AOAH: variants seen among roughly 807,000 people sequenced by gnomAD.
The protein encoded by AOAH is acyloxyacyl hydrolase, also known as acyloxyacyl hydrolase (neutrophil).
AOAH carries 64 observed loss-of-function variants against 92.2 expected under a neutral mutation model. That is an observed-to-expected ratio of 0.69 (90% CI 0.57 to 0.86). AOAH has a LOEUF of 0.86. Ranked by LOEUF, AOAH falls within the 40% of genes least tolerant of loss-of-function variation. AOAH has a pLI of 0.00. For missense variants in AOAH, 656 were observed against 694.6 expected (o/e 0.94, Z 0.62); for synonymous variants, 263 against 254.5 (o/e 1.03, Z -0.32).
At chr7:36,667,564 A>G (rs1186581835) in intron 3 of AOAH, among the ~76,000 whole-genome samples, 1 of 152,206 alleles carries the variant, frequency 6.6e-6, no homozygotes, top group African/African-American at 2.4e-5. Context: ...GTGGTCTTGG[A>G]ACATATTTCT....
Position 36,551,512 on chromosome 7 carries a change from A to G in AOAH, c.1022-2037T>C, listed in dbSNP as rs568333981. Among the ~76,000 whole-genome samples the G allele has an allele frequency of 2.6e-5, 4 of 152,258 alleles. No individual in the cohort carries two copies. In the South Asian group the frequency reaches 8.3e-4, roughly 32 times the overall value. ...GAAACTCAAAATGCATTAAAGAATA[A>G]CTTTCCACTAACTCCTCCCTCCAGT... On this transcript the variant is annotated intron_variant, in intron 13 of 20. Transcript: ENST00000617537.
chr7:36,678,605 G>GCA lies in AOAH; in HGVS notation c.224-4597_224-4596insTG, dbSNP rs1298387364. On this transcript the variant is annotated intron_variant, in intron 2 of 20. Transcript: ENST00000617537. ...TGTGTGTGTGTGTGTGTGTGTGCGC[G>GCA]CGCGCGCGCGTTAGAATTCTGTTTA... Among the ~76,000 whole-genome samples the GCA allele has an allele frequency of 5.7e-4, 85 of 148,718 alleles. 2 individuals carry two copies. Among genetic ancestry groups the GCA allele is most frequent in the African/African-American group, 2.0e-3 (81 of 39,626 alleles).
At chr7:36,684,763 T>A (rs1366852610) in intron 2 of AOAH, among the ~76,000 whole-genome samples, 1 of 150,086 alleles carries the variant, frequency 6.7e-6, no homozygotes, top group East Asian at 2.0e-4. Context: ...AGCAAAAAAA[T>A]TTAAAATTAG....
rs550592077 is a variant in AOAH, at chr7:36,705,569, T to C, written c.127+18453A>G. Among the ~76,000 whole-genome samples, 6 of 152,280 alleles carry C rather than the reference T, an allele frequency of 3.9e-5. No homozygotes were observed. The South Asian group carries it at 1.0e-3, about 26-fold the overall frequency. On this transcript the variant is annotated intron_variant, in intron 1 of 20. Coordinates refer to ENST00000617537, the MANE Select transcript of AOAH (RefSeq NM_001637.4). Reference sequence around the variant, plus strand: ...AATGGCCATACTGCCCAAAGCAATTTACAGATTCAATGCTATTCCCCTCAA... The same window carrying C: ...AATGGCCATACTGCCCAAAGCAATTCACAGATTCAATGCTATTCCCCTCAA...
chr7:36,642,980 G>T (rs1794004722), intron 4 of AOAH, among the ~76,000 whole-genome samples: 1 of 152,192 alleles, frequency 6.6e-6, no homozygotes, highest in African/African-American at 2.4e-5. Context: ...GCGTTGTGAG[G>T]ATTGACAAAG....
At chr7:36,667,072 C>G (rs1795590128) in intron 3 of AOAH, among the ~76,000 whole-genome samples, 1 of 152,150 alleles carries the variant, frequency 6.6e-6, no homozygotes. Flanking sequence ...TCAATTATAT[C>G]TGGTTGATTG....
rs1056743615 is a variant in AOAH, at chr7:36,516,206, C to T, written c.1600-2826G>A. Among the ~76,000 whole-genome samples, 4 of 150,546 alleles carry T rather than the reference C, an allele frequency of 2.7e-5. No homozygotes were observed. The highest frequency in any genetic ancestry group is 5.9e-5 in the Non-Finnish European group (4 of 67,564). ...CATACATACATCTCTCTTATATACA[C>T]ACACACATCCTACACACACCCCACA... On this transcript the variant is annotated intron_variant, in intron 20 of 20. Transcript: ENST00000617537. The surrounding 1 kb of genome is among the most constrained non-coding windows in gnomAD (Gnocchi z 5.0).
At chr7:36,613,246 C>A (rs1416639966) in intron 11 of AOAH, among the ~76,000 whole-genome samples, 1 of 152,188 alleles carries the variant, frequency 6.6e-6, no homozygotes, top group Non-Finnish European at 1.5e-5. Flanking sequence ...GGCTGTTCCG[C>A]TTTTTCCTGA....
intron 19 of AOAH, among the ~76,000 whole-genome samples, chr7:36,529,225 G>A (rs1000974062): frequency 1.3e-5 from 2 of 150,328 alleles, no homozygotes; most frequent in Admixed American, 6.6e-5. Flanking sequence ...TGATCACTCT[G>A]GAAAGTAAAA....
At chr7:36,594,897 G>T (rs1789997636) in intron 11 of AOAH, among the ~76,000 whole-genome samples, 1 of 151,968 alleles carries the variant, frequency 6.6e-6, no homozygotes, top group South Asian at 2.1e-4. Context: ...CCTTCTTGGG[G>T]GTCTCAGACA....
At chr7:36,579,991 TG>T (rs1240790930) in intron 12 of AOAH, among the ~76,000 whole-genome samples, 1 of 152,246 alleles carries the variant, frequency 6.6e-6, no homozygotes, top group Non-Finnish European at 1.5e-5. Flanking sequence ...TTGTTAAGTA[TG>T]AAGCAACTCT....
chr7:36,668,693 G>A (rs1211908105), intron 3 of AOAH, among the ~76,000 whole-genome samples: 1 of 152,140 alleles, frequency 6.6e-6, no homozygotes. Flanking sequence ...CACTATGTTG[G>A]CCAAAGTGGT....
At chr7:36,640,215 C>A (rs2116337934) in intron 4 of AOAH, among the ~76,000 whole-genome samples, 1 of 152,128 alleles carries the variant, frequency 6.6e-6, no homozygotes, top group South Asian at 2.1e-4. Context: ...GAGTCCTGAT[C>A]CCAGATGGAC....
rs1197138302 is a variant in AOAH at position 36,724,480 on chromosome 7, G to A, written c.-332C>T. 1.8e-5 allele frequency: 4 copies of A among 217,186 alleles called. No individual in the cohort carries two copies. Among genetic ancestry groups the A allele is most frequent in the Non-Finnish European group, 3.9e-5 (4 of 103,042 alleles). The allele number at this position is 217,186 out of a possible 1,614,324, so 13.5% of individuals were successfully genotyped here. On this transcript the variant is annotated 5_prime_UTR_variant, in exon 1 of 21. Coordinates refer to ENST00000617537, the MANE Select transcript of AOAH (RefSeq NM_001637.4). Reference sequence around the variant, plus strand: ...AGTTGCACAGTGGCACAACTTCCGTGCTCCCTGGCTCAGTGAAGTTAGTGT... The same window carrying A: ...AGTTGCACAGTGGCACAACTTCCGTACTCCCTGGCTCAGTGAAGTTAGTGT...
intron 4 of AOAH, among the ~76,000 whole-genome samples, chr7:36,658,251 A>G (rs1340169731): frequency 6.6e-6 from 1 of 152,182 alleles, no homozygotes; most frequent in Admixed American, 6.5e-5. Flanking sequence ...TCCATCAGCA[A>G]AATCATGGTC....
intron 19 of AOAH, among the ~76,000 whole-genome samples, chr7:36,528,367 A>C (rs1166284521): frequency 2.6e-5 from 4 of 152,188 alleles, no homozygotes; most frequent in Non-Finnish European, 5.9e-5. Context: ...AGGACAAGAA[A>C]GGGCTGATGA....
chr7:36,642,416 A>G (rs1793974040), intron 4 of AOAH, among the ~76,000 whole-genome samples: 1 of 152,168 alleles, frequency 6.6e-6, no homozygotes. Context: ...CAGAGCTAAG[A>G]GAAAAAGGCA....
intron 2 of AOAH, among the ~76,000 whole-genome samples, chr7:36,676,106 T>C (rs1168190526): frequency 3.3e-5 from 5 of 152,194 alleles, no homozygotes; most frequent in Admixed American, 3.3e-4. Context: ...ACGTTATAAG[T>C]TCTAGCCAGG....
chr7:36,705,916 C>A (rs112935644), intron 1 of AOAH, among the ~76,000 whole-genome samples: 1 of 152,134 alleles, frequency 6.6e-6, no homozygotes, highest in Non-Finnish European at 1.5e-5. Flanking sequence ...GGAAAGGATT[C>A]CCTATTTAAT....
Sources: allele counts gnomAD v4.1 joint callset (sites outside exome capture counted in the v4.1 genomes callset), GRCh38; gene constraint gnomAD v4.1.1; non-coding constraint Gnocchi (gnomAD v3.1); transcripts MANE v1.5; gene names NCBI Gene and HGNC (gene_info 2026-07-23, HGNC 2026-07-21).